The following TMEFF2 variants were observed in gnomAD, a reference collection of about 807,000 sequenced individuals.
TMEFF2 encodes tomoregulin-2.
A neutral mutation model predicts 53.8 loss-of-function variants in TMEFF2; 28 were observed. The ratio of observed to expected loss-of-function variants is 0.52; its 90% CI spans 0.39 to 0.71. The LOEUF (loss-of-function observed/expected upper bound fraction) is 0.71. Ranked by LOEUF, TMEFF2 falls within the 30% of genes least tolerant of loss-of-function variation. TMEFF2 has a pLI of 0.00. For missense variants in TMEFF2, 353 were observed against 455.2 expected, an observed-to-expected ratio of 0.78 and a Z score of 2.04; for synonymous variants, 162 against 166.3, an observed-to-expected ratio of 0.97 and a Z score of 0.20.
At chr2:192,144,769 C>T (rs1487075873) in intron 4 of TMEFF2, among the ~76,000 whole-genome samples, 7 of 151,884 alleles carry the variant, frequency 4.6e-5, no homozygotes, top group Admixed American at 2.0e-4. Context: ...AGATAATGTT[C>T]CTGTACATGC....
chr2:192,124,217 A>G (rs938293775), intron 4 of TMEFF2, among the ~76,000 whole-genome samples: 3 of 152,260 alleles, frequency 2.0e-5, no homozygotes, highest in African/African-American at 7.2e-5. Context: ...CATGAATGCA[A>G]TCATTACAAA....
At chr2:192,152,112 A>G (rs548095607) in intron 4 of TMEFF2, among the ~76,000 whole-genome samples, 29 of 152,020 alleles carry the variant, frequency 1.9e-4, no homozygotes, top group African/African-American at 6.7e-4. Context: ...TGCATAACCA[A>G]GAGCTGAGAG....
intron 2 of TMEFF2, among the ~76,000 whole-genome samples, chr2:192,186,939 G>C (rs890478387): frequency 1.3e-5 from 2 of 152,164 alleles, no homozygotes; most frequent in Non-Finnish European, 2.9e-5. Context: ...TGCCGCTTCT[G>C]AGGGATGCAG....
chr2:192,080,816 C>T (rs1411255148), intron 4 of TMEFF2, among the ~76,000 whole-genome samples: 1 of 152,014 alleles, frequency 6.6e-6, no homozygotes, highest in Non-Finnish European at 1.5e-5. Context: ...TTTTCATCTT[C>T]TGCTTCTCAT....
intron 4 of TMEFF2, among the ~76,000 whole-genome samples, chr2:192,066,841 A>G (rs1193116922): frequency 2.0e-5 from 3 of 151,856 alleles, no homozygotes; most frequent in African/African-American, 7.3e-5. Context: ...ATATCATATC[A>G]ACTATGGTAT....
chr2:192,065,695 A>G (rs1358553893), intron 4 of TMEFF2, among the ~76,000 whole-genome samples: 6 of 151,726 alleles, frequency 4.0e-5, no homozygotes, highest in Non-Finnish European at 1.5e-5. Flanking sequence ...CATTTAATAT[A>G]TCTGTTGTAG....
chr2:192,130,214 A>T (rs1407214487), intron 4 of TMEFF2, among the ~76,000 whole-genome samples: 1 of 146,394 alleles, frequency 6.8e-6, no homozygotes, highest in Admixed American at 6.8e-5. Context: ...AAAGAAAAAA[A>T]TAAAAGTAAG....
At chr2:192,024,597 C>T (rs776622421) in intron 5 of TMEFF2, among the ~76,000 whole-genome samples, 14 of 152,106 alleles carry the variant, frequency 9.2e-5, no homozygotes, top group African/African-American at 2.9e-4. Flanking sequence ...AATGGAGACA[C>T]GTTTTAAAAT....
chr2:192,178,852 G>T (rs1691115218), intron 4 of TMEFF2: 3 of 151,026 alleles, frequency 2.0e-5, no homozygotes, highest in Admixed American at 1.3e-4. Context: ...GCTTTTATTT[G>T]TTTTGTTTTT....
At chr2:192,171,160 T>A (rs535215122) in intron 4 of TMEFF2, among the ~76,000 whole-genome samples, 2 of 152,080 alleles carry the variant, frequency 1.3e-5, no homozygotes, top group African/African-American at 4.8e-5. Flanking sequence ...AAAACCCCAA[T>A]ATAAAAATAC....
intron 9 of TMEFF2, among the ~76,000 whole-genome samples, chr2:191,952,232 CT>C (rs1245416626): frequency 2.0e-5 from 3 of 152,156 alleles, no homozygotes; most frequent in Non-Finnish European, 4.4e-5. Context: ...TACACAATTC[CT>C]AGTGAGGAAA....
chr2:192,088,295 G>A (rs1021415136), intron 4 of TMEFF2, among the ~76,000 whole-genome samples: 2 of 152,100 alleles, frequency 1.3e-5, no homozygotes, highest in Admixed American at 1.3e-4. Context: ...AGGTGGGAAA[G>A]GGAGTCTCAC....
chr2:192,148,593 T>A (rs1165930788), intron 4 of TMEFF2, among the ~76,000 whole-genome samples: 1 of 152,054 alleles, frequency 6.6e-6, no homozygotes, highest in Non-Finnish European at 1.5e-5. Flanking sequence ...AACTGTTTAC[T>A]CTTCGTTAAT....
chr2:192,170,881 T>C (rs1489344635), intron 4 of TMEFF2, among the ~76,000 whole-genome samples: 2 of 152,112 alleles, frequency 1.3e-5, no homozygotes, highest in Non-Finnish European at 2.9e-5. Context: ...TATTTATTCC[T>C]GGATTTTTTA....
At chr2:192,089,687 C>T (rs991355225) in intron 4 of TMEFF2, among the ~76,000 whole-genome samples, 1 of 152,112 alleles carries the variant, frequency 6.6e-6, no homozygotes, top group African/African-American at 2.4e-5. Context: ...ACAGTCATGT[C>T]ACCAGGCTTC....
At chr2:192,032,624 A>G (rs1183224514) in intron 5 of TMEFF2, 1 of 152,218 alleles carries the variant, frequency 6.6e-6, no homozygotes, top group African/African-American at 2.4e-5. Flanking sequence ...GGTCCCATCC[A>G]GCCCATTTAA....
chr2:192,077,725 T>G (rs1030631310), intron 4 of TMEFF2, among the ~76,000 whole-genome samples: 3 of 152,086 alleles, frequency 2.0e-5, no homozygotes, highest in Non-Finnish European at 4.4e-5. Flanking sequence ...TTTTCAAGTT[T>G]GTCTACATTT....
intron 5 of TMEFF2, chr2:192,036,596 T>A (rs978016881): frequency 1.3e-5 from 2 of 152,184 alleles, no homozygotes; most frequent in African/African-American, 4.8e-5. Context: ...CTCAGTATAC[T>A]TAGAATAAAA....
intron 7 of TMEFF2, among the ~76,000 whole-genome samples, chr2:191,973,694 C>A (rs2105806941): frequency 6.6e-6 from 1 of 152,184 alleles, no homozygotes; most frequent in South Asian, 2.1e-4. Flanking sequence ...TTGGCAGTGT[C>A]CCCACTCAAA....
Sources: gnomAD v4.1 joint callset for allele counts (sites outside exome capture counted in the v4.1 genomes callset) on GRCh38, gnomAD v4.1.1 for gene constraint, MANE v1.5 for transcripts, NCBI Gene and HGNC (gene_info 2026-07-23, HGNC 2026-07-21) for gene names.